The following ATP6V0A2 variants were observed in gnomAD, a reference collection of about 807,000 sequenced individuals.
ATP6V0A2 encodes ATPase H+ transporting V0 subunit a2, also known as V-type proton ATPase 116 kDa subunit a 2.
In ATP6V0A2, 58 loss-of-function variants were observed where a neutral mutation model predicts 104.4. The ratio of observed to expected loss-of-function variants is 0.56; its 90% CI spans 0.45 to 0.69. The LOEUF (loss-of-function observed/expected upper bound fraction) is 0.69, where lower values mean the gene tolerates loss of function less well. ATP6V0A2 is among the 30% of genes least tolerant of loss of function. The probability of loss-of-function intolerance (pLI) is 0.00; values close to 1 mark genes in which losing one functional copy is unlikely to be tolerated. For synonymous variants in ATP6V0A2, 376 were observed against 397.9 expected (o/e 0.95, Z 0.65); for missense variants, 938 against 1,062.9 (o/e 0.88, Z 1.63).
Position 123,724,558 on chromosome 12 carries a change from A to G in ATP6V0A2, c.295-96A>G. ...AAAAAAAAAAGAAAAAAACAAAACA[A>G]AAAAACCCACTGTTTTTGGTATACT... On this transcript the variant is annotated intron_variant, in intron 3 of 19. Coordinates refer to ENST00000330342, the MANE Select transcript of ATP6V0A2 (RefSeq NM_012463.4). 3 of 1,391,374 alleles carry G rather than the reference A, an allele frequency of 2.2e-6. No homozygotes were observed. In the South Asian group the frequency reaches 3.8e-5, roughly 17 times the overall value. 86.2% of individuals were successfully genotyped at this position (1,391,374 alleles called of 1,614,324 possible).
rs1182781574 is a variant in ATP6V0A2, at chr12:123,744,474, AG to A, written c.1327-120del. 22 of 1,558,222 alleles carry A rather than the reference AG, an allele frequency of 1.4e-5. No individual in the cohort carries two copies. The African/African-American group carries it at 2.8e-4, about 20-fold the overall frequency. On this transcript the variant is annotated intron_variant, in intron 11 of 19. Coordinates refer to ENST00000330342, the MANE Select transcript of ATP6V0A2 (RefSeq NM_012463.4). The surrounding 1 kb of genome is among the most constrained non-coding windows in gnomAD (Gnocchi z 5.4). ...GTGTGGCCTGTCAGCTGCGGCTGAC[AG>A]GGATGTCTGCGGGGCGAGGCTGTTT...
chr12:123,712,791 C>T (rs1212074032), intron 1 of ATP6V0A2, 109 bp downstream of exon 1: 17 of 942,486 alleles, frequency 1.8e-5, no homozygotes, highest in African/African-American at 1.1e-4. Context: ...CGCGCCCCGT[C>T]CCCATTGTCC....
intron 7 of ATP6V0A2, among the ~76,000 whole-genome samples, chr12:123,734,758 A>G (rs1956534727): frequency 6.6e-6 from 1 of 152,134 alleles, no homozygotes; most frequent in Non-Finnish European, 1.5e-5. Context: ...GGGTTTGGGC[A>G]TTTTCTGTTT....
At chr12:123,745,623 G>C (rs146102886) in intron 13 of ATP6V0A2, among the ~76,000 whole-genome samples, 1 of 151,774 alleles carries the variant, frequency 6.6e-6, no homozygotes, top group Non-Finnish European at 1.5e-5. Context: ...GGAGAATGGC[G>C]TGAACCCAGG....
chr12:123,740,020 C>A (rs947588680), intron 9 of ATP6V0A2, among the ~76,000 whole-genome samples: 1 of 151,992 alleles, frequency 6.6e-6, no homozygotes, highest in Non-Finnish European at 1.5e-5. Flanking sequence ...CAAAAGTCAG[C>A]CGGATGTGGT....
rs147833091 is a variant in ATP6V0A2, at chr12:123,743,845, C to G, written c.1099C>G (p.Pro367Ala). The change falls in exon 10 of 20, where the codon CCC becomes GCC. Residue 367 changes from proline (P) to alanine (A), a missense_variant. Transcript: ENST00000330342. ...MNIIPTKETP[P>A]TRIRTNKFTE... ...TATAATCCCCACAAAAGAAACACCC[C>G]CCACTCGGATCCGCACCAACAAATT... The G allele has an allele frequency of 5.0e-6, 8 of 1,613,960 alleles. No homozygotes were observed. Among genetic ancestry groups the G allele is most frequent in the South Asian group, 1.1e-5 (1 of 91,080 alleles).
chr12:123,751,149 T>A lies in ATP6V0A2; in HGVS notation c.1975T>A (p.Ser659Thr). ...QRVLLVVTAL[S>T]VPVLFLGKPL... ...AGTGCTGCTGGTTGTCACAGCATTG[T>A]CTGTCCCTGTCCTCTTCTTGGGAAA... Residue 659 changes from serine to threonine, a missense_variant, in exon 16 of 20, where the codon TCT (serine) becomes ACT (threonine). Transcript: ENST00000330342. 1 of 1,614,178 alleles carries A rather than the reference T, an allele frequency of 6.2e-7. No individual in the cohort carries two copies. The highest frequency in any genetic ancestry group is 8.5e-7 in the Non-Finnish European group (1 of 1,180,026).
chr12:123,716,817 C>T (rs1003079859), intron 1 of ATP6V0A2, among the ~76,000 whole-genome samples: 1 of 151,522 alleles, frequency 6.6e-6, no homozygotes, highest in East Asian at 1.9e-4. Flanking sequence ...TTTATAGAGT[C>T]ATGCATCCAT....
intron 5 of ATP6V0A2, among the ~76,000 whole-genome samples, chr12:123,726,795 G>A (rs748973237): frequency 6.6e-6 from 1 of 152,220 alleles, no homozygotes; most frequent in Non-Finnish European, 1.5e-5. Context: ...TTTAGTTTGA[G>A]GATGTTTTCC....
chr12:123,747,018 A>G (rs909752561), intron 13 of ATP6V0A2, among the ~76,000 whole-genome samples: 4 of 152,194 alleles, frequency 2.6e-5, no homozygotes, highest in Non-Finnish European at 4.4e-5. Flanking sequence ...TTCAGACAGT[A>G]AGAGAAGCAG....
chr12:123,756,687 C>T, intron 18 of ATP6V0A2, 128 bp from the exon 19 acceptor site: 2 of 955,858 alleles, frequency 2.1e-6, no homozygotes, highest in Admixed American at 2.0e-5. Context: ...GTCTGTGTTA[C>T]ATGTGTGTCT....
chr12:123,725,593 A>G (rs1250822095), intron 4 of ATP6V0A2, among the ~76,000 whole-genome samples: 2 of 152,128 alleles, frequency 1.3e-5, no homozygotes, highest in Non-Finnish European at 1.5e-5. Flanking sequence ...GCCTGAACAT[A>G]GTGAGAATTA....
intron 6 of ATP6V0A2, chr12:123,733,367 A>T (rs889769118): frequency 2.6e-5 from 4 of 152,300 alleles, no homozygotes; most frequent in Non-Finnish European, 5.9e-5. Flanking sequence ...ACTGTGGAAA[A>T]ACTCACTGCT....
chr12:123,740,204 CTTT>C (rs34257905), intron 9 of ATP6V0A2, among the ~76,000 whole-genome samples: 27 of 141,666 alleles, frequency 1.9e-4, no homozygotes, highest in South Asian at 2.2e-4. Context: ...CTCTCTCTCT[CTTT>C]TTTTTTTTTT....
intron 6 of ATP6V0A2, 154 bp from the exon 7 acceptor site, chr12:123,733,772 A>G (rs1203329964): frequency 1.5e-6 from 1 of 671,864 alleles, no homozygotes; most frequent in African/African-American, 1.8e-5. Flanking sequence ...TGTTACTACA[A>G]GTAGGTGAAT....
At position 123,712,705 on chromosome 12, in the gene ATP6V0A2, G is replaced by A. The variant is rs368844203; in HGVS notation, c.117+23G>A. The A allele has an allele frequency of 3.1e-6, 5 of 1,587,454 alleles. No individual in the cohort carries two copies. In the African/African-American group the frequency reaches 4.0e-5, roughly 13 times the overall value. ...GACGTGAGTGTCGCCCGGGAGACGC[G>A]GGCCGCACCTGCTCTCCTGGCGCCC... On this transcript the variant is annotated intron_variant, in intron 1 of 19. Coordinates refer to ENST00000330342, the MANE Select transcript of ATP6V0A2 (RefSeq NM_012463.4).
At chr12:123,717,213 G>A (rs1281687176) in intron 1 of ATP6V0A2, among the ~76,000 whole-genome samples, 2 of 151,582 alleles carry the variant, frequency 1.3e-5, no homozygotes, top group African/African-American at 4.9e-5. Flanking sequence ...TACTCGGGAG[G>A]CTGAGGCAGG....
intron 2 of ATP6V0A2, chr12:123,721,177 T>G (rs1264131553): frequency 6.6e-6 from 1 of 150,624 alleles, no homozygotes; most frequent in African/African-American, 2.5e-5. Context: ...TACTATTAGT[T>G]TCATGAATCT....
chr12:123,724,570 G>C, intron 3 of ATP6V0A2, 84 bp from the exon 4 acceptor site: 4 of 1,412,978 alleles, frequency 2.8e-6, no homozygotes, highest in Non-Finnish European at 3.9e-6. Flanking sequence ...AAAACCCACT[G>C]TTTTTGGTAT....
Sources: gnomAD v4.1 joint callset for allele counts (sites outside exome capture counted in the v4.1 genomes callset) on GRCh38, gnomAD v4.1.1 for gene constraint, Gnocchi (gnomAD v3.1) non-coding constraint, MANE v1.5 for transcripts, NCBI Gene and HGNC (gene_info 2026-07-23, HGNC 2026-07-21) for gene names.